Variants in PDE4D observed in about 807,000 individuals in gnomAD.
PDE4D encodes the protein 3',5'-cyclic-AMP phosphodiesterase 4D.
Under a neutral mutation model 87.4 loss-of-function variants are expected in PDE4D, and 24 were observed. The ratio of observed to expected loss-of-function variants is 0.27; its 90% confidence interval spans 0.20 to 0.39. The LOEUF is 0.39. Ranked by LOEUF, PDE4D falls within the 10% of genes least tolerant of loss-of-function variation. The probability of loss-of-function intolerance (pLI) is 1.00; values close to 1 mark genes in which losing one functional copy is unlikely to be tolerated. For missense variants in PDE4D, 714 were observed against 1,041.0 expected, an observed-to-expected ratio of 0.69 and a Z score of 4.32; for synonymous variants, 384 against 383.2, an observed-to-expected ratio of 1.00 and a Z score of -0.02.
intron 1 of PDE4D, among the ~76,000 whole-genome samples, chr5:59,689,178 C>T (rs899083204): frequency 3.3e-5 from 5 of 152,114 alleles, no homozygotes; most frequent in Admixed American, 3.3e-4. Context: ...TGAAACTATT[C>T]CAATCGATAG....
At chr5:59,704,729 G>C (rs1352785924) in intron 1 of PDE4D, among the ~76,000 whole-genome samples, 1 of 152,132 alleles carries the variant, frequency 6.6e-6, no homozygotes, top group Admixed American at 6.5e-5. Flanking sequence ...AGATTGTGTG[G>C]TGTCCATGAA....
chr5:60,415,712 C>G (rs1742463105), intron 1 of PDE4D, among the ~76,000 whole-genome samples: 1 of 152,370 alleles, frequency 6.6e-6, no homozygotes, highest in Non-Finnish European at 1.5e-5. Context: ...CCACCATGGG[C>G]TCCTGTGCAG....
intron 3 of PDE4D, among the ~76,000 whole-genome samples, chr5:59,949,302 G>T (rs951003359): frequency 6.6e-6 from 1 of 151,966 alleles, no homozygotes; most frequent in Admixed American, 6.6e-5. Context: ...GCATGGTGGC[G>T]GAAGCCTGTA....
At chr5:59,331,356 TCTC>T (rs1256543928) in intron 1 of PDE4D, among the ~76,000 whole-genome samples, 2 of 152,158 alleles carry the variant, frequency 1.3e-5, no homozygotes, top group African/African-American at 2.4e-5. Flanking sequence ...ATGGCCATCT[TCTC>T]CTCATCTCCA....
chr5:59,338,803 A>G (rs1322628819), intron 1 of PDE4D, among the ~76,000 whole-genome samples: 1 of 152,230 alleles, frequency 6.6e-6, no homozygotes, highest in East Asian at 1.9e-4. Flanking sequence ...TTAAATTCCT[A>G]CAAAAATTTC....
At chr5:59,844,973 C>T (rs1743603840) in intron 1 of PDE4D, among the ~76,000 whole-genome samples, 2 of 151,986 alleles carry the variant, frequency 1.3e-5, no homozygotes, top group South Asian at 2.1e-4. Context: ...GAGGATCTGC[C>T]AAAGGATGAG....
intron 1 of PDE4D, among the ~76,000 whole-genome samples, chr5:59,545,712 G>A (rs923464497): frequency 1.3e-5 from 2 of 152,078 alleles, no homozygotes; most frequent in African/African-American, 4.8e-5. Context: ...AACCCAAAGT[G>A]CTCTCCGCAT....
chr5:59,189,587 C>T (rs181577306), intron 3 of PDE4D, among the ~76,000 whole-genome samples: 4 of 152,200 alleles, frequency 2.6e-5, no homozygotes, highest in Admixed American at 2.6e-4. Context: ...AGGCAGCTGA[C>T]AGCAGAGAAG....
intron 5 of PDE4D, among the ~76,000 whole-genome samples, chr5:59,045,996 GC>G (rs1449925351): frequency 6.6e-5 from 10 of 152,176 alleles, no homozygotes; most frequent in Non-Finnish European, 1.3e-4. Flanking sequence ...CAGAAGGACT[GC>G]CCAATGTGAC....
At chr5:60,178,193 C>T (rs979412941) in intron 2 of PDE4D, among the ~76,000 whole-genome samples, 10 of 152,114 alleles carry the variant, frequency 6.6e-5, no homozygotes, top group African/African-American at 1.7e-4. Context: ...TTTTAACTTA[C>T]GTCTATTCTG....
At chr5:60,372,252 G>A (rs1326080680) in intron 1 of PDE4D, among the ~76,000 whole-genome samples, 2 of 151,102 alleles carry the variant, frequency 1.3e-5, no homozygotes, top group East Asian at 3.9e-4. Flanking sequence ...GCTTTCTTAA[G>A]GTTTCAACTT....
At chr5:59,753,613 T>C (rs370996669) in intron 1 of PDE4D, among the ~76,000 whole-genome samples, 94 of 152,196 alleles carry the variant, frequency 6.2e-4, no homozygotes, top group African/African-American at 2.1e-3. Context: ...GGGAACATAC[T>C]GAATAAGGTC....
intron 6 of PDE4D, among the ~76,000 whole-genome samples, chr5:59,003,306 C>T (rs1750914269): frequency 1.3e-5 from 2 of 152,184 alleles, no homozygotes; most frequent in Admixed American, 1.3e-4. Context: ...TTTTCAGCTG[C>T]TCTATTACAT....
chr5:59,880,091 G>T (rs181896294), intron 1 of PDE4D, among the ~76,000 whole-genome samples: 1 of 151,770 alleles, frequency 6.6e-6, no homozygotes, highest in African/African-American at 2.4e-5. Flanking sequence ...TACTTTATGG[G>T]TTCAAACATT....
At chr5:59,932,874 T>G (rs1026786979) in intron 3 of PDE4D, among the ~76,000 whole-genome samples, 4 of 152,212 alleles carry the variant, frequency 2.6e-5, no homozygotes, top group African/African-American at 9.6e-5. Context: ...TTCTGTGCAA[T>G]TTTAGAACAT....
At chr5:59,195,195 A>G (rs1054115409) in intron 2 of PDE4D, among the ~76,000 whole-genome samples, 4 of 152,198 alleles carry the variant, frequency 2.6e-5, no homozygotes, top group Non-Finnish European at 5.9e-5. Context: ...CTATTCTGTT[A>G]TAGCAACAGA....
intron 1 of PDE4D, among the ~76,000 whole-genome samples, chr5:60,391,794 C>T (rs1383921473): frequency 2.0e-5 from 3 of 152,086 alleles, no homozygotes; most frequent in Admixed American, 2.0e-4. Flanking sequence ...GAACATAAAC[C>T]TCTTTGGGGG....
chr5:60,450,816 C>A (rs534162126), intron 1 of PDE4D, among the ~76,000 whole-genome samples: 41 of 152,166 alleles, frequency 2.7e-4, no homozygotes, highest in African/African-American at 9.6e-4. Flanking sequence ...AATGATTTGA[C>A]TACAAATATA....
At chr5:59,024,368 T>C (rs1291700091) in intron 6 of PDE4D, among the ~76,000 whole-genome samples, 1 of 151,792 alleles carries the variant, frequency 6.6e-6, no homozygotes, top group East Asian at 1.9e-4. Flanking sequence ...CCTGGCTAAT[T>C]TTTGTATTTT....
Sources: gnomAD v4.1 joint callset for allele counts (sites outside exome capture counted in the v4.1 genomes callset) on GRCh38, gnomAD v4.1.1 for gene constraint, MANE v1.5 for transcripts, NCBI Gene and HGNC (gene_info 2026-07-23, HGNC 2026-07-21) for gene names.